Variants in KLHL1 observed in about 807,000 individuals in gnomAD.
KLHL1 encodes kelch like family member 1, also known as kelch-like protein 1.
Under a neutral mutation model 77.7 loss-of-function variants are expected in KLHL1, and 47 were observed. The ratio of observed to expected loss-of-function variants is 0.60; its 90% CI spans 0.48 to 0.77. The LOEUF is 0.77. Among genes scored for constraint, KLHL1 ranks in the 30% least tolerant of loss-of-function variants. The pLI is 0.00. For synonymous variants in KLHL1, 360 were observed against 325.2 expected (o/e 1.11, Z -1.15); for missense variants, 925 against 910.8 (o/e 1.02, Z -0.20).
intron 7 of KLHL1, among the ~76,000 whole-genome samples, chr13:69,792,269 C>T (rs1175737931): frequency 6.6e-6 from 1 of 151,860 alleles, no homozygotes; most frequent in Non-Finnish European, 1.5e-5. Context: ...AAAATATTTC[C>T]ATAGAGCTTT....
intron 6 of KLHL1, among the ~76,000 whole-genome samples, chr13:69,809,875 G>GA (rs57005049): frequency 1.6e-3 from 224 of 141,268 alleles, no homozygotes; most frequent in African/African-American, 4.0e-3. Context: ...TATGCAAATG[G>GA]AAAAAAAAAA....
chr13:69,975,781 T>G lies in KLHL1; in HGVS notation c.519A>C (p.Ser173=). 1 of 1,609,502 alleles carries G rather than the reference T, an allele frequency of 6.2e-7. No individual in the cohort carries two copies. The highest frequency in any genetic ancestry group is 8.5e-7 in the Non-Finnish European group (1 of 1,178,694). The change falls in exon 2 of 11, where the codon TCA becomes TCC. Residue 173 remains serine, a synonymous_variant. Coordinates refer to ENST00000377844, the MANE Select transcript of KLHL1 (RefSeq NM_020866.3). The part of the protein sequence containing the change: ...CGHRLSSTGH[S]MTPQSDLDSS... ...AGTCCAAATCACTTTGAGGTGTCAT[T>G]GAATGGCCGGTTGATGACAGCCTAT...
At chr13:69,735,049 T>C (rs1873705689) in intron 8 of KLHL1, among the ~76,000 whole-genome samples, 2 of 152,074 alleles carry the variant, frequency 1.3e-5, no homozygotes, top group African/African-American at 2.4e-5. Flanking sequence ...ATTAATGCAA[T>C]ATGAGCAAGT....
At chr13:69,765,087 G>T (rs1432183538) in intron 7 of KLHL1, among the ~76,000 whole-genome samples, 2 of 151,476 alleles carry the variant, frequency 1.3e-5, no homozygotes, top group East Asian at 3.9e-4. Context: ...GAGTACCTGG[G>T]ATTGTAGGCA....
chr13:69,730,888 T>C (rs1873514871), intron 8 of KLHL1, among the ~76,000 whole-genome samples: 1 of 152,114 alleles, frequency 6.6e-6, no homozygotes, highest in African/African-American at 2.4e-5. Flanking sequence ...ACGGAGAACA[T>C]TCATTCTACT....
At position 70,024,118 on chromosome 13, in the gene KLHL1, G is replaced by C. The variant is rs537849958; in HGVS notation, c.498-48316C>G. ...GAGGAGATCGGGCACATTCAGGATG[G>C]TATGGCGTAGACGATTGTTGATATG... On this transcript the variant is annotated intron_variant, in intron 1 of 10. Coordinates refer to ENST00000377844, the MANE Select transcript of KLHL1 (RefSeq NM_020866.3). 4.0e-5 allele frequency among the ~76,000 whole-genome samples: 6 copies of C among 151,848 alleles called. No individual in the cohort carries two copies. The East Asian group carries it at 1.2e-3, about 29-fold the overall frequency.
chr13:69,878,218 T>A (rs1485403485), intron 5 of KLHL1, among the ~76,000 whole-genome samples: 1 of 152,162 alleles, frequency 6.6e-6, no homozygotes, highest in Non-Finnish European at 1.5e-5. Context: ...GATTACATGG[T>A]TTAACACTAT....
intron 1 of KLHL1, among the ~76,000 whole-genome samples, chr13:70,048,075 G>T (rs1289887723): frequency 6.6e-6 from 1 of 152,078 alleles, no homozygotes; most frequent in African/African-American, 2.4e-5. Context: ...CACTAGCATA[G>T]GTCACTCCAA....
intron 2 of KLHL1, among the ~76,000 whole-genome samples, chr13:69,973,836 A>T (rs578165725): frequency 6.6e-6 from 1 of 152,172 alleles, no homozygotes; most frequent in South Asian, 2.1e-4. Flanking sequence ...AGTGTTAAAA[A>T]TTTAATTGGG....
intron 4 of KLHL1, among the ~76,000 whole-genome samples, chr13:69,904,337 T>A (rs1881979062): frequency 6.6e-6 from 1 of 152,148 alleles, no homozygotes; most frequent in Non-Finnish European, 1.5e-5. Flanking sequence ...TAATAGAATA[T>A]GAATATAAAA....
intron 5 of KLHL1, among the ~76,000 whole-genome samples, chr13:69,856,437 C>A (rs576496886): frequency 6.6e-6 from 1 of 152,146 alleles, no homozygotes; most frequent in East Asian, 1.9e-4. Context: ...TTGCTCTGAT[C>A]CAGGAGTCTT....
At chr13:69,760,757 T>A (rs1874982359) in intron 7 of KLHL1, among the ~76,000 whole-genome samples, 2 of 152,194 alleles carry the variant, frequency 1.3e-5, no homozygotes, top group Non-Finnish European at 2.9e-5. Context: ...TATTTTTAGA[T>A]GTTTCTGCAC....
At chr13:69,955,446 A>T (rs1277288786) in intron 3 of KLHL1, among the ~76,000 whole-genome samples, 2 of 151,354 alleles carry the variant, frequency 1.3e-5, no homozygotes, top group African/African-American at 2.4e-5. Flanking sequence ...TTAATTTCCT[A>T]ACCCTCTTCT....
intron 9 of KLHL1, among the ~76,000 whole-genome samples, chr13:69,713,114 C>A (rs1014655928): frequency 6.6e-6 from 1 of 152,072 alleles, no homozygotes; most frequent in Non-Finnish European, 1.5e-5. Context: ...AAAGGCATAA[C>A]CCATCATGCC....
chr13:69,879,833 A>G (rs865932252), intron 5 of KLHL1, among the ~76,000 whole-genome samples: 12 of 151,986 alleles, frequency 7.9e-5, no homozygotes, highest in African/African-American at 2.9e-4. Flanking sequence ...AGAAGATGGC[A>G]ATCACGCTGA....
chr13:69,862,520 T>C lies in KLHL1; in HGVS notation c.1227+19763A>G, dbSNP rs17085550. The stretch of plus-strand genomic sequence containing the variant: ...AATGTTCTTTATTACCACTGGATCA[T>C]CACAACTCATTAAAGTAAGTGTAAG... On this transcript the variant is annotated intron_variant, in intron 5 of 10. Transcript: ENST00000377844. Among the ~76,000 whole-genome samples, 1,504 of 152,254 alleles carry C rather than the reference T, an allele frequency of 9.9e-3. 27 individuals carry two copies. Among genetic ancestry groups the C allele is most frequent in the African/African-American group, 0.035 (1,439 of 41,558 alleles).
chr13:69,744,678 G>A (rs1388720932), intron 7 of KLHL1, among the ~76,000 whole-genome samples: 2 of 151,198 alleles, frequency 1.3e-5, no homozygotes, highest in Non-Finnish European at 3.0e-5. Flanking sequence ...AAAGCTAACC[G>A]TATTTTTTTC....
chr13:70,054,407 C>T (rs2137396128), intron 1 of KLHL1, among the ~76,000 whole-genome samples: 1 of 152,222 alleles, frequency 6.6e-6, no homozygotes, highest in East Asian at 1.9e-4. Flanking sequence ...GATTCATCCT[C>T]TGCATGTAGC....
intron 8 of KLHL1, among the ~76,000 whole-genome samples, chr13:69,720,533 A>G (rs920618627): frequency 6.6e-6 from 1 of 152,232 alleles, no homozygotes; most frequent in Admixed American, 6.6e-5. Context: ...CATAAATGTC[A>G]TTTACTACTG....
Sources: allele counts gnomAD v4.1 joint callset (sites outside exome capture counted in the v4.1 genomes callset), GRCh38; gene constraint gnomAD v4.1.1; transcripts MANE v1.5; gene names NCBI Gene and HGNC (gene_info 2026-07-23, HGNC 2026-07-21).